The following ZFAND3 variants were observed in gnomAD, a reference collection of about 807,000 sequenced individuals.
ZFAND3 encodes AN1-type zinc finger protein 3.
A neutral mutation model predicts 29.6 loss-of-function variants in ZFAND3; 10 were observed. That is an observed-to-expected ratio of 0.34 (90% confidence interval 0.21 to 0.57). ZFAND3 has a LOEUF of 0.57. Ranked by LOEUF, ZFAND3 falls within the 20% of genes least tolerant of loss-of-function variation. The probability of loss-of-function intolerance (pLI) is 0.86; values close to 1 mark genes in which losing one functional copy is unlikely to be tolerated. For missense variants in ZFAND3, 230 were observed against 304.5 expected, an observed-to-expected ratio of 0.76 and a Z score of 1.82; for synonymous variants, 128 against 112.6, an observed-to-expected ratio of 1.14 and a Z score of -0.87.
intron 2 of ZFAND3, among the ~76,000 whole-genome samples, chr6:38,048,165 C>T (rs1041308142): frequency 1.3e-5 from 2 of 151,846 alleles, no homozygotes; most frequent in African/African-American, 4.8e-5. Flanking sequence ...ACCATTATGC[C>T]TGGCCAATTT....
At chr6:37,992,406 G>T (rs1762774352) in intron 2 of ZFAND3, among the ~76,000 whole-genome samples, 2 of 152,104 alleles carry the variant, frequency 1.3e-5, no homozygotes, top group Admixed American at 1.3e-4. Context: ...GTTTAAAAAG[G>T]TTCAAACCTA....
At chr6:37,911,149 G>A (rs1355304067) in intron 1 of ZFAND3, among the ~76,000 whole-genome samples, 1 of 152,162 alleles carries the variant, frequency 6.6e-6, no homozygotes, top group Non-Finnish European at 1.5e-5. Context: ...ATTCCAATGA[G>A]TAGTATACAA....
chr6:37,918,948 T>G (rs1761318503), intron 1 of ZFAND3, among the ~76,000 whole-genome samples: 1 of 136,002 alleles, frequency 7.4e-6, no homozygotes, highest in Non-Finnish European at 1.5e-5. Context: ...ACATGAAAAA[T>G]GCCTTTTTTT....
chr6:38,014,265 A>T (rs888455718), intron 2 of ZFAND3, among the ~76,000 whole-genome samples: 1 of 152,006 alleles, frequency 6.6e-6, no homozygotes, highest in Non-Finnish European at 1.5e-5. Flanking sequence ...TAACACAGAT[A>T]AATCACTAAT....
intron 2 of ZFAND3, among the ~76,000 whole-genome samples, chr6:37,944,454 A>G (rs1394373965): frequency 1.3e-5 from 2 of 152,164 alleles, no homozygotes; most frequent in Non-Finnish European, 2.9e-5. Flanking sequence ...CAGAGACAAA[A>G]TTCTTTTCTC....
intron 2 of ZFAND3, among the ~76,000 whole-genome samples, chr6:37,936,927 G>A (rs2842499): frequency 0.87 from 132,544 of 152,196 alleles, 58,509 homozygotes; most frequent in East Asian, 0.96. Context: ...TGGTAGATAA[G>A]CCAAAATGCT....
rs1275863510 is a variant in ZFAND3, at chr6:37,891,421, C to CCCG, written c.72-38536_72-38535insGCC. Among the ~76,000 whole-genome samples the CCCG allele has an allele frequency of 7.7e-5, 11 of 142,162 alleles. 1 individual carries two copies. Among genetic ancestry groups the CCCG allele is most frequent in the African/African-American group, 2.5e-4 (9 of 36,242 alleles). The allele number at this position is 142,162 out of a possible 152,430, so 93.3% of individuals were successfully genotyped here. A position where few individuals can be genotyped will look rare whatever the true frequency, so the allele number is the denominator to read the frequency against. ...CAAATAGTTGGAGATTTCAGTCCCC[C>CCCG]CCCCCGCCTTTAAAATACAAAAATT... On this transcript the variant is annotated intron_variant, in intron 1 of 5. Transcript: ENST00000287218.
At chr6:37,915,350 G>C (rs1761227565) in intron 1 of ZFAND3, among the ~76,000 whole-genome samples, 1 of 152,192 alleles carries the variant, frequency 6.6e-6, no homozygotes, top group Non-Finnish European at 1.5e-5. Flanking sequence ...TTTCCCTTCA[G>C]AACTTTTTCT....
intron 4 of ZFAND3, among the ~76,000 whole-genome samples, chr6:38,091,993 T>G (rs955262888): frequency 1.3e-5 from 2 of 152,086 alleles, no homozygotes; most frequent in Non-Finnish European, 2.9e-5. Flanking sequence ...CAAGTTGTAT[T>G]CTCTGTTTTC....
chr6:37,951,546 G>A (rs1452261726), intron 2 of ZFAND3, among the ~76,000 whole-genome samples: 3 of 152,146 alleles, frequency 2.0e-5, no homozygotes, highest in Non-Finnish European at 1.5e-5. Flanking sequence ...AGTGAGCCGA[G>A]ATTGTGCCAC....
At chr6:38,148,690 A>C (rs187674177) in intron 5 of ZFAND3, among the ~76,000 whole-genome samples, 1 of 152,324 alleles carries the variant, frequency 6.6e-6, no homozygotes, top group Non-Finnish European at 1.5e-5. Flanking sequence ...GAGTACCAAG[A>C]AAAGAGGATA....
At chr6:37,989,934 G>A (rs1762731037) in intron 2 of ZFAND3, among the ~76,000 whole-genome samples, 1 of 152,194 alleles carries the variant, frequency 6.6e-6, no homozygotes, top group Admixed American at 6.5e-5. Context: ...GGGACATGGA[G>A]CAGTTTTCTC....
intron 5 of ZFAND3, among the ~76,000 whole-genome samples, chr6:38,143,876 C>A (rs993961554): frequency 6.6e-6 from 1 of 152,240 alleles, no homozygotes; most frequent in Admixed American, 6.5e-5. Context: ...AAAGCAGATG[C>A]CTTCCATTCC....
intron 2 of ZFAND3, among the ~76,000 whole-genome samples, chr6:38,014,271 C>G (rs1230116199): frequency 6.6e-6 from 1 of 151,812 alleles, no homozygotes; most frequent in African/African-American, 2.4e-5. Flanking sequence ...AGATAAATCA[C>G]TAATTGGTGA....
chr6:37,864,905 C>T lies in ZFAND3; in HGVS notation c.71+44889C>T, dbSNP rs534282428. Among the ~76,000 whole-genome samples, 10 of 152,208 alleles carry T rather than the reference C, an allele frequency of 6.6e-5. No individual in the cohort carries two copies. The South Asian group carries it at 1.0e-3, about 16-fold the overall frequency. ...ATGTAAATAGCTTAATATGGCTGGG[C>T]GTGGTGGCTCACATCTGTAATCCCA... On this transcript the variant is annotated intron_variant, in intron 1 of 5. Coordinates refer to ENST00000287218, the MANE Select transcript of ZFAND3 (RefSeq NM_021943.3).
intron 2 of ZFAND3, among the ~76,000 whole-genome samples, chr6:38,018,006 G>C (rs1464005297): frequency 6.6e-6 from 1 of 152,126 alleles, no homozygotes; most frequent in African/African-American, 2.4e-5. Context: ...TTGAGGATCA[G>C]CTCCCTTTTG....
intron 4 of ZFAND3, among the ~76,000 whole-genome samples, chr6:38,098,186 C>T (rs536345837): frequency 2.6e-5 from 4 of 152,234 alleles, no homozygotes; most frequent in Admixed American, 2.0e-4. Flanking sequence ...CTCAGCCTCC[C>T]GAGTAGCTTA....
chr6:38,143,996 G>T (rs1766015280), intron 5 of ZFAND3, among the ~76,000 whole-genome samples: 1 of 151,602 alleles, frequency 6.6e-6, no homozygotes, highest in Non-Finnish European at 1.5e-5. Context: ...TGGGCATTGG[G>T]TCACCGGATG....
At chr6:37,950,341 A>T (rs1316114338) in intron 2 of ZFAND3, among the ~76,000 whole-genome samples, 1 of 139,148 alleles carries the variant, frequency 7.2e-6, no homozygotes, top group Non-Finnish European at 1.5e-5. Context: ...TGTTTGTTAA[A>T]TTGGGAGTCC....
Sources: allele counts gnomAD v4.1 joint callset (sites outside exome capture counted in the v4.1 genomes callset), GRCh38; gene constraint gnomAD v4.1.1; transcripts MANE v1.5; gene names NCBI Gene and HGNC (gene_info 2026-07-23, HGNC 2026-07-21).